The following ZRANB3 variants were observed in gnomAD, a reference collection of about 807,000 sequenced individuals.
The protein encoded by ZRANB3 is zinc finger RANBP2-type containing 3, also known as DNA annealing helicase and endonuclease ZRANB3.
A neutral mutation model predicts 133.8 loss-of-function variants in ZRANB3; 125 were observed. The observed-to-expected ratio is 0.93, with a 90% CI of 0.81 to 1.08. ZRANB3 has a LOEUF of 1.08. Ranked by LOEUF, ZRANB3 falls within the 50% of genes least tolerant of loss-of-function variation. The pLI, the probability that ZRANB3 is intolerant of heterozygous loss-of-function variation, is 0.00. For missense variants in ZRANB3, 1,229 were observed against 1,275.5 expected, an observed-to-expected ratio of 0.96 and a Z score of 0.56; for synonymous variants, 387 against 432.7, an observed-to-expected ratio of 0.89 and a Z score of 1.31.
At chr2:135,293,528 A>G (rs1681874962) in intron 8 of ZRANB3, among the ~76,000 whole-genome samples, 1 of 152,224 alleles carries the variant, frequency 6.6e-6, no homozygotes. Context: ...ATATACAATC[A>G]TGTCATCTGC....
chr2:135,357,502 G>C (rs1685491888), intron 3 of ZRANB3, among the ~76,000 whole-genome samples: 1 of 152,132 alleles, frequency 6.6e-6, no homozygotes, highest in African/African-American at 2.4e-5. Context: ...CGCCATGTTG[G>C]CCAGGCTGGT....
chr2:135,269,279 T>A, intron 10 of ZRANB3, 138 bp from the exon 11 acceptor site: 2 of 642,190 alleles, frequency 3.1e-6, no homozygotes, highest in Non-Finnish European at 4.7e-6. Context: ...AATTAAGATT[T>A]AATTCATGAA....
intron 19 of ZRANB3, 36 bp downstream of exon 19, chr2:135,207,398 A>G (rs747572411): frequency 1.3e-6 from 2 of 1,562,210 alleles, no homozygotes; most frequent in Non-Finnish European, 8.7e-7. Context: ...ACTCAGTACA[A>G]TGCTGCCTTC....
At chr2:135,221,188 G>A (rs1694540647) in intron 15 of ZRANB3, among the ~76,000 whole-genome samples, 1 of 152,120 alleles carries the variant, frequency 6.6e-6, no homozygotes, top group African/African-American at 2.4e-5. Context: ...GAAAAGGAAA[G>A]CTTTCATCTC....
intron 12 of ZRANB3, among the ~76,000 whole-genome samples, chr2:135,245,093 C>A (rs1432640079): frequency 2.0e-5 from 3 of 152,108 alleles, no homozygotes; most frequent in African/African-American, 7.2e-5. Flanking sequence ...AAGGAGAGAG[C>A]AAGATTAGCA....
intron 3 of ZRANB3, among the ~76,000 whole-genome samples, chr2:135,362,956 GGAT>G (rs2104889273): frequency 6.6e-6 from 1 of 152,196 alleles, no homozygotes; most frequent in East Asian, 1.9e-4. Flanking sequence ...AAGGGTATAT[GGAT>G]GATCTTTGTA....
chr2:135,214,736 AAC>A (rs1694237063), intron 17 of ZRANB3, among the ~76,000 whole-genome samples: 1 of 152,316 alleles, frequency 6.6e-6, no homozygotes, highest in African/African-American at 2.4e-5. Context: ...ATAAATATGT[AAC>A]ACATATATTT....
intron 17 of ZRANB3, among the ~76,000 whole-genome samples, chr2:135,211,740 T>C (rs944385101): frequency 3.9e-5 from 6 of 152,228 alleles, no homozygotes; most frequent in Admixed American, 1.3e-4. Flanking sequence ...TATTCCATTA[T>C]ATGGATAAAC....
Position 135,407,960 on chromosome 2 carries a change from C to G in ZRANB3, c.162-17140G>C, listed in dbSNP as rs1255678752. Among the ~76,000 whole-genome samples the G allele has an allele frequency of 7.3e-5, 11 of 149,778 alleles. No homozygotes were observed. The South Asian group carries it at 2.3e-3, about 31-fold the overall frequency. ...CACCAAAAGCAATGGCAACAAAAGC[C>G]AAAATTGTCAAATGGGATCTAATTA... On this transcript the variant is annotated intron_variant, in intron 2 of 20. Coordinates refer to ENST00000264159, the MANE Select transcript of ZRANB3 (RefSeq NM_032143.4).
intron 8 of ZRANB3, among the ~76,000 whole-genome samples, chr2:135,287,234 T>C (rs1232540059): frequency 2.6e-5 from 4 of 152,200 alleles, no homozygotes; most frequent in Non-Finnish European, 2.9e-5. Context: ...GCTGTAAATA[T>C]TTGGCTTTAT....
At chr2:135,508,246 T>C (rs980240711) in intron 1 of ZRANB3, among the ~76,000 whole-genome samples, 2 of 152,188 alleles carry the variant, frequency 1.3e-5, no homozygotes, top group Non-Finnish European at 2.9e-5. Flanking sequence ...CACGCCATTC[T>C]CCTGCCTCAG....
chr2:135,287,381 T>G (rs752929222), intron 8 of ZRANB3, among the ~76,000 whole-genome samples: 5 of 152,330 alleles, frequency 3.3e-5, no homozygotes, highest in East Asian at 3.9e-4. Context: ...CTTTTTTGCT[T>G]AGTCTTGCTT....
chr2:135,480,735 G>C (rs964947024), intron 2 of ZRANB3, among the ~76,000 whole-genome samples: 1 of 147,776 alleles, frequency 6.8e-6, no homozygotes, highest in Admixed American at 6.7e-5. Flanking sequence ...TCTAGCATTA[G>C]GTATATCTCC....
At chr2:135,513,098 A>G (rs1693540562) in intron 1 of ZRANB3, among the ~76,000 whole-genome samples, 1 of 152,208 alleles carries the variant, frequency 6.6e-6, no homozygotes, top group African/African-American at 2.4e-5. Flanking sequence ...TAAACAAAAT[A>G]TTAGCAAACC....
At chr2:135,454,405 A>T (rs1553496864) in intron 2 of ZRANB3, among the ~76,000 whole-genome samples, 1 of 151,466 alleles carries the variant, frequency 6.6e-6, no homozygotes, top group Non-Finnish European at 1.5e-5. Context: ...TGGGTCTCTC[A>T]CTCTCTCTCT....
intron 2 of ZRANB3, among the ~76,000 whole-genome samples, chr2:135,400,916 C>A (rs1391793552): frequency 6.6e-6 from 1 of 152,186 alleles, no homozygotes; most frequent in East Asian, 1.9e-4. Flanking sequence ...ACTCAGAATT[C>A]TCTTTGTTAA....
intron 3 of ZRANB3, among the ~76,000 whole-genome samples, chr2:135,360,477 G>A (rs748604634): frequency 6.6e-6 from 1 of 152,098 alleles, no homozygotes; most frequent in Non-Finnish European, 1.5e-5. Context: ...AGGCCAAGGT[G>A]GGCGGATCAC....
rs10941064 is a variant in ZRANB3 at position 135,294,794 on chromosome 2, G to C, written c.966+18695C>G. Reference sequence around the variant, plus strand: ...TGTGTCCCAGAGACTTTGGTATGTTGTGTCTTTGTTCTCGTTGGTTTCAAA... The same window carrying C: ...TGTGTCCCAGAGACTTTGGTATGTTCTGTCTTTGTTCTCGTTGGTTTCAAA... On this transcript the variant is annotated intron_variant, in intron 8 of 20. Transcript: ENST00000264159. Among the ~76,000 whole-genome samples the C allele has an allele frequency of 3.0e-3, 452 of 152,046 alleles. 3 individuals are homozygous for C. The highest frequency in any genetic ancestry group is 0.01 in the African/African-American group (421 of 41,458).
chr2:135,310,138 T>C (rs1418957817), intron 8 of ZRANB3, among the ~76,000 whole-genome samples: 1 of 152,134 alleles, frequency 6.6e-6, no homozygotes, highest in African/African-American at 2.4e-5. Context: ...GGTTTTGCCA[T>C]GTTGGTCAGG....
Sources: allele counts gnomAD v4.1 joint callset (sites outside exome capture counted in the v4.1 genomes callset), GRCh38; gene constraint gnomAD v4.1.1; transcripts MANE v1.5; gene names NCBI Gene and HGNC (gene_info 2026-07-23, HGNC 2026-07-21).